Variants in KCNH7 observed in about 807,000 individuals in gnomAD.
KCNH7 encodes potassium voltage-gated channel subfamily H member 7.
In KCNH7, 49 loss-of-function variants were observed where a neutral mutation model predicts 120.8. The observed-to-expected ratio is 0.41, with a 90% CI of 0.32 to 0.51. The LOEUF (loss-of-function observed/expected upper bound fraction) is 0.51, where lower values mean the gene tolerates loss of function less well. Ranked by LOEUF, KCNH7 falls within the 20% of genes least tolerant of loss-of-function variation. The pLI is 0.38. For synonymous variants in KCNH7, 547 were observed against 516.1 expected (o/e 1.06, Z -0.81); for missense variants, 1,097 against 1,446.6 (o/e 0.76, Z 3.92).
intron 6 of KCNH7, among the ~76,000 whole-genome samples, chr2:162,482,271 A>C (rs186601152): frequency 7.9e-5 from 12 of 152,314 alleles, no homozygotes; most frequent in African/African-American, 2.6e-4. Context: ...GCTGCAAGCA[A>C]ATTTCCAAGG....
At position 162,655,434 on chromosome 2, in the gene KCNH7, T is replaced by A. The variant is rs114913483; in HGVS notation, c.308-118354A>T. ...GCTCTGCCATTTATTTGTGGTGAAA[T>A]CTTGGACAATCTAAAGCTTCATCTG... is the stretch of plus-strand genomic sequence containing the variant. On this transcript the variant is annotated intron_variant, in intron 2 of 15. Coordinates refer to ENST00000332142, the MANE Select transcript of KCNH7 (RefSeq NM_033272.4). 5.2e-3 allele frequency among the ~76,000 whole-genome samples: 796 copies of A among 152,242 alleles called. 8 individuals are homozygous for A. The highest frequency in any genetic ancestry group is 0.019 in the African/African-American group (773 of 41,550).
At chr2:162,726,619 C>T (rs1033275321) in intron 2 of KCNH7, among the ~76,000 whole-genome samples, 1 of 152,060 alleles carries the variant, frequency 6.6e-6, no homozygotes, top group Admixed American at 6.6e-5. Context: ...AAGGTTTCAC[C>T]GTGTTGGCCA....
chr2:162,517,328 G>A (rs552868561), intron 4 of KCNH7, among the ~76,000 whole-genome samples: 4 of 151,682 alleles, frequency 2.6e-5, no homozygotes, highest in African/African-American at 4.8e-5. Context: ...GGAAAGAGTC[G>A]GTCAATGAAC....
chr2:162,821,224 A>T (rs1685110933), intron 2 of KCNH7, among the ~76,000 whole-genome samples: 1 of 152,270 alleles, frequency 6.6e-6, no homozygotes, highest in African/African-American at 2.4e-5. Flanking sequence ...TTGCCATTCA[A>T]CAATGAATTC....
intron 2 of KCNH7, among the ~76,000 whole-genome samples, chr2:162,801,282 C>CT (rs61260608): frequency 0.97 from 147,184 of 151,716 alleles, 71,553 homozygotes; most frequent in East Asian, 1. Context: ...AAATATTTCC[C>CT]TCTTAACCTA....
chr2:162,621,697 A>G (rs987291438), intron 2 of KCNH7, among the ~76,000 whole-genome samples: 4 of 152,150 alleles, frequency 2.6e-5, no homozygotes, highest in Non-Finnish European at 4.4e-5. Context: ...CAAAAAGATT[A>G]AGTGTTATTG....
chr2:162,771,239 C>G (rs1171731696), intron 2 of KCNH7, among the ~76,000 whole-genome samples: 1 of 152,140 alleles, frequency 6.6e-6, no homozygotes, highest in Non-Finnish European at 1.5e-5. Flanking sequence ...TAGCTTGACT[C>G]TCAGGGAACT....
chr2:162,531,337 T>G (rs890197591), intron 3 of KCNH7, among the ~76,000 whole-genome samples: 4 of 152,002 alleles, frequency 2.6e-5, no homozygotes, highest in Non-Finnish European at 5.9e-5. Flanking sequence ...AAAAGTCCCC[T>G]TCTCTGCCAT....
At chr2:162,754,874 G>A (rs767287611) in intron 2 of KCNH7, among the ~76,000 whole-genome samples, 10 of 152,150 alleles carry the variant, frequency 6.6e-5, no homozygotes, top group Non-Finnish European at 1.2e-4. Context: ...CTTAGAACAA[G>A]AGTCACTTTG....
chr2:162,606,393 A>C (rs1372680078), intron 2 of KCNH7, among the ~76,000 whole-genome samples: 2 of 152,178 alleles, frequency 1.3e-5, no homozygotes, highest in Non-Finnish European at 2.9e-5. Flanking sequence ...GTGTTAATTA[A>C]AATCATCATT....
chr2:162,697,628 T>C (rs1387060608), intron 2 of KCNH7, among the ~76,000 whole-genome samples: 1 of 152,078 alleles, frequency 6.6e-6, no homozygotes, highest in Non-Finnish European at 1.5e-5. Flanking sequence ...GGGCAAGTGA[T>C]AGCCCATGCT....
chr2:162,743,485 T>C (rs1336814420), intron 2 of KCNH7, among the ~76,000 whole-genome samples: 2 of 151,752 alleles, frequency 1.3e-5, no homozygotes, highest in Non-Finnish European at 2.9e-5. Context: ...AAAGAAAAAA[T>C]GAAAAAATTA....
In KCNH7 at chr2:162,557,156, T is replaced by C. The variant is rs1366851524; in HGVS notation, c.308-20076A>G. 2.0e-5 allele frequency among the ~76,000 whole-genome samples: 3 copies of C among 152,228 alleles called. No individual in the cohort carries two copies. The East Asian group carries it at 5.8e-4, about 29-fold the overall frequency. On this transcript the variant is annotated intron_variant, in intron 2 of 15. Transcript: ENST00000332142. Reference sequence around the variant, plus strand: ...GTTTTGGCTGCTGTCATCTGAAGGCTGACTTCGGAAATTCAAGACGGTGCA... The same window carrying C: ...GTTTTGGCTGCTGTCATCTGAAGGCCGACTTCGGAAATTCAAGACGGTGCA...
intron 2 of KCNH7, among the ~76,000 whole-genome samples, chr2:162,803,154 G>C (rs1477562766): frequency 6.6e-6 from 1 of 151,654 alleles, no homozygotes; most frequent in Non-Finnish European, 1.5e-5. Flanking sequence ...TTTATTCACA[G>C]ACAAAATTAT....
intron 6 of KCNH7, among the ~76,000 whole-genome samples, chr2:162,497,423 C>G (rs1236656420): frequency 6.6e-6 from 1 of 152,050 alleles, no homozygotes; most frequent in Non-Finnish European, 1.5e-5. Flanking sequence ...AAACAAGAGA[C>G]CGTGCTGGAA....
intron 14 of KCNH7, among the ~76,000 whole-genome samples, chr2:162,374,555 G>T (rs916238066): frequency 1.1e-4 from 16 of 151,920 alleles, no homozygotes; most frequent in African/African-American, 3.6e-4. Context: ...TGACTGTTTT[G>T]CCTCTGAATA....
intron 6 of KCNH7, among the ~76,000 whole-genome samples, chr2:162,450,070 C>T (rs1167377710): frequency 6.6e-6 from 1 of 151,932 alleles, no homozygotes; most frequent in Non-Finnish European, 1.5e-5. Context: ...AGTAGTATTA[C>T]CAACTTCAAA....
chr2:162,820,098 G>A (rs1051740249), intron 2 of KCNH7, among the ~76,000 whole-genome samples: 1 of 142,622 alleles, frequency 7.0e-6, no homozygotes, highest in Non-Finnish European at 1.5e-5. Context: ...GGAGTGCAGT[G>A]GCGCTATCTC....
intron 3 of KCNH7, among the ~76,000 whole-genome samples, chr2:162,522,724 C>T (rs915197110): frequency 5.9e-5 from 9 of 151,966 alleles, no homozygotes; most frequent in African/African-American, 2.2e-4. Flanking sequence ...AAGTTTTGCA[C>T]ATACTTTTAC....
Sources: allele counts gnomAD v4.1 joint callset (sites outside exome capture counted in the v4.1 genomes callset), GRCh38; gene constraint gnomAD v4.1.1; transcripts MANE v1.5; gene names NCBI Gene and HGNC (gene_info 2026-07-23, HGNC 2026-07-21).